DNAJC10: variants seen among roughly 807,000 people sequenced by gnomAD.
The protein encoded by DNAJC10 is DnaJ heat shock protein family (Hsp40) member C10.
In DNAJC10, 101 loss-of-function variants were observed where a neutral mutation model predicts 115.0. The ratio of observed to expected loss-of-function variants is 0.88; its 90% CI spans 0.75 to 1.04. The LOEUF (loss-of-function observed/expected upper bound fraction) is 1.04. Ranked by LOEUF, DNAJC10 falls within the 50% of genes least tolerant of loss-of-function variation. The pLI is 0.00. For synonymous variants in DNAJC10, 307 were observed against 301.5 expected (o/e 1.02, Z -0.19); for missense variants, 981 against 928.8 (o/e 1.06, Z -0.73).
chr2:182,729,585 T>C (rs765156025), intron 7 of DNAJC10, among the ~76,000 whole-genome samples: 1 of 152,154 alleles, frequency 6.6e-6, no homozygotes, highest in Non-Finnish European at 1.5e-5. Flanking sequence ...TGTTGTCTCA[T>C]TGAATGTAAA....
chr2:182,759,629 G>A (rs1029063053), intron 21 of DNAJC10, among the ~76,000 whole-genome samples: 5 of 151,926 alleles, frequency 3.3e-5, no homozygotes, highest in East Asian at 1.9e-4. Flanking sequence ...TTACTAGATT[G>A]TGTCAGTTTT....
In DNAJC10 at chr2:182,739,680, C is replaced by T. The variant is rs552618776; in HGVS notation, c.988-619C>T. On this transcript the variant is annotated intron_variant, in intron 11 of 23. Transcript: ENST00000264065. ...TCGTTTGTGTTTTAAATAAGAGACT[C>T]GGGCCGAAAACAAGTTTAAGATAAG... The T allele has an allele frequency of 5.8e-6, 6 of 1,038,828 alleles. No individual in the cohort carries two copies. The East Asian group carries it at 3.8e-4, about 65-fold the overall frequency. The allele number at this position is 1,038,828 out of a possible 1,614,324, so 64.4% of individuals were successfully genotyped here.
chr2:182,727,068 T>TA (rs397934132), intron 5 of DNAJC10, among the ~76,000 whole-genome samples: 2 of 151,648 alleles, frequency 1.3e-5, no homozygotes, highest in East Asian at 1.9e-4. Flanking sequence ...TTTTTTTTTT[T>TA]AGACATAATG....
At chr2:182,738,222 T>C (rs1214763242) in intron 11 of DNAJC10, among the ~76,000 whole-genome samples, 4 of 152,160 alleles carry the variant, frequency 2.6e-5, no homozygotes, top group Non-Finnish European at 5.9e-5. Flanking sequence ...TCTTGTATCT[T>C]TATCCTTGTG....
At chr2:182,770,636 G>A (rs1195344248) in intron 22 of DNAJC10, among the ~76,000 whole-genome samples, 2 of 152,148 alleles carry the variant, frequency 1.3e-5, no homozygotes, top group Non-Finnish European at 2.9e-5. Flanking sequence ...AGGAGTGCTT[G>A]TGATTTTTGC....
At chr2:182,755,140 G>A in intron 17 of DNAJC10, 36 bp downstream of exon 17, 2 of 1,330,884 alleles carry the variant, frequency 1.5e-6, no homozygotes, top group Non-Finnish European at 2.2e-6. Context: ...CTAGAAATTT[G>A]TCTGTTTCTA....
chr2:182,721,930 AT>A (rs1004453115), intron 4 of DNAJC10, 94 bp from the exon 5 acceptor site: 9 of 701,052 alleles, frequency 1.3e-5, no homozygotes, highest in Admixed American at 3.2e-5. Flanking sequence ...TAGTAGTTTG[AT>A]TTTTTTGATG....
intron 14 of DNAJC10, 147 bp from the exon 15 acceptor site, chr2:182,751,511 T>C (rs1301005341): frequency 1.2e-6 from 1 of 815,900 alleles, no homozygotes; most frequent in Non-Finnish European, 1.9e-6. Context: ...CTAAGCCCTG[T>C]ATAGTATACA....
intron 22 of DNAJC10, among the ~76,000 whole-genome samples, chr2:182,773,916 A>AT (rs1410841723): frequency 6.6e-6 from 1 of 152,100 alleles, no homozygotes; most frequent in African/African-American, 2.4e-5. Context: ...AGGCGCTCTG[A>AT]TTTTTAGAAT....
chr2:182,741,896 T>C (rs1693746789), intron 13 of DNAJC10, among the ~76,000 whole-genome samples: 1 of 152,158 alleles, frequency 6.6e-6, no homozygotes, highest in Admixed American at 6.5e-5. Context: ...AATTTATATG[T>C]CTGTGTTTTA....
intron 22 of DNAJC10, among the ~76,000 whole-genome samples, chr2:182,775,023 C>A (rs1160023852): frequency 6.6e-6 from 1 of 150,378 alleles, no homozygotes; most frequent in East Asian, 2.0e-4. Flanking sequence ...CCAGGAACAT[C>A]TGTTCTTGCA....
chr2:182,777,093 C>A, intron 23 of DNAJC10, 28 bp from the exon 24 acceptor site: 1 of 1,359,708 alleles, frequency 7.4e-7, no homozygotes, highest in Non-Finnish European at 9.8e-7. Context: ...TTTCTCCTTT[C>A]TCTATCGCCT....
rs556456357 is a variant in DNAJC10 at position 182,788,293 on chromosome 2, C to T, written c.*11161C>T. 11 of 169,272 alleles carry T rather than the reference C, an allele frequency of 6.5e-5. No homozygotes were observed. Among genetic ancestry groups the T allele is most frequent in the African/African-American group, 1.9e-4 (8 of 41,662 alleles). 10.5% of individuals were successfully genotyped at this position (169,272 alleles called of 1,614,324 possible). On this transcript the variant is annotated 3_prime_UTR_variant, in exon 24 of 24. Transcript: ENST00000264065. ...TTGATACCAGCCTCTACAAAGCTGT[C>T]GGGGCCAGGCGAATAAAGGATGTCC...
Position 182,744,070 on chromosome 2 carries a change from G to C in DNAJC10, c.1306+358G>C, listed in dbSNP as rs187599607. On this transcript the variant is annotated intron_variant, in intron 14 of 23. Transcript: ENST00000264065. ...ATAGGCAATTTCCAAACATTCTTTT[G>C]GATGTTTCTCCCACTAGACTTCCAG... Among the ~76,000 whole-genome samples the C allele has an allele frequency of 8.5e-5, 13 of 152,230 alleles. No homozygotes were observed. In the East Asian group the frequency reaches 1.2e-3, roughly 14 times the overall value.
At chr2:182,746,845 A>C (rs911687413) in intron 14 of DNAJC10, among the ~76,000 whole-genome samples, 25 of 151,912 alleles carry the variant, frequency 1.6e-4, no homozygotes, top group African/African-American at 6.1e-4. Context: ...GTTTTCTTCT[A>C]GGGTTTTTAT....
intron 4 of DNAJC10, 143 bp from the exon 5 acceptor site, chr2:182,721,882 T>G: frequency 2.0e-6 from 1 of 490,316 alleles, no homozygotes; most frequent in Non-Finnish European, 3.6e-6. Flanking sequence ...TTTTTTTCAC[T>G]TAGGATGTTG....
At chr2:182,736,416 C>T (rs754832651) in intron 11 of DNAJC10, 30 bp downstream of exon 11, 24 of 1,468,792 alleles carry the variant, frequency 1.6e-5, no homozygotes, top group Non-Finnish European at 2.2e-5. Context: ...AATTTATTTA[C>T]ATATAATGTG....
rs1270018604 is a variant in DNAJC10, at chr2:182,777,860, C to G, written c.*728C>G. The G allele has an allele frequency of 6.6e-6, 1 of 152,068 alleles. No individual in the cohort carries two copies. The highest frequency in any genetic ancestry group is 2.4e-5 in the African/African-American group (1 of 41,420). The allele number at this position is 152,068 out of a possible 1,614,324, so 9.4% of individuals were successfully genotyped here. A position where few individuals can be genotyped will look rare whatever the true frequency, so the allele number is the denominator to read the frequency against. ...AGTATATGTGCACACAGTAAGTACA[C>G]AAATTTGAGCAACAGTAAGTGCACA... On this transcript the variant is annotated 3_prime_UTR_variant, in exon 24 of 24. Coordinates refer to ENST00000264065, the MANE Select transcript of DNAJC10 (RefSeq NM_018981.4).
intron 4 of DNAJC10, among the ~76,000 whole-genome samples, chr2:182,721,796 T>C (rs1693156143): frequency 6.6e-6 from 1 of 152,134 alleles, no homozygotes; most frequent in Admixed American, 6.5e-5. Flanking sequence ...AACTACCGCA[T>C]ACACATCTAT....
Sources: allele counts gnomAD v4.1 joint callset (sites outside exome capture counted in the v4.1 genomes callset), GRCh38; gene constraint gnomAD v4.1.1; transcripts MANE v1.5; gene names NCBI Gene and HGNC (gene_info 2026-07-23, HGNC 2026-07-21).